LTB: variants seen among roughly 807,000 people sequenced by gnomAD.
LTB encodes the protein lymphotoxin-beta.
Under a neutral mutation model 14.7 loss-of-function variants are expected in LTB, and 17 were observed. That is an observed-to-expected ratio of 1.16 (90% CI 0.79 to 1.73). The LOEUF (loss-of-function observed/expected upper bound fraction) is 1.73, where lower values mean the gene tolerates loss of function less well. Ranked by LOEUF, LTB falls within the 40% of genes most tolerant of loss-of-function variation. The pLI is 0.00. For missense variants in LTB, 288 were observed against 324.3 expected, an observed-to-expected ratio of 0.89 and a Z score of 0.86; for synonymous variants, 163 against 157.3, an observed-to-expected ratio of 1.04 and a Z score of -0.27.
Position 31,580,838 on chromosome 6 carries a change from G to A in LTB, c.606C>T (p.Tyr202=). 6.2e-7 allele frequency: 1 copy of A among 1,611,896 alleles called. No individual in the cohort carries two copies. Among genetic ancestry groups the A allele is most frequent in the East Asian group, 2.2e-5 (1 of 44,856 alleles). The part of the protein sequence containing the change: ...ARRQGYGPLW[Y]TSVGFGGLVQ... ...CCAGGCCGCCGAACCCCACGCTCGT[G>A]TACCAGAGAGGCCCGTACCCTTGTC... Residue 202 remains tyrosine (Y), a synonymous_variant, in exon 4 of 4, where the codon TAC becomes TAT. Coordinates refer to ENST00000429299, the MANE Select transcript of LTB (RefSeq NM_002341.2). The surrounding 1 kb of genome is among the most constrained non-coding windows in gnomAD (Gnocchi z 6.6).
rs146263569 is a variant in LTB at position 31,581,810 on chromosome 6, T to C, written c.208+4A>G. The stretch of plus-strand genomic sequence containing the variant: ...GCGGGGAAGGAGAGACAGTCTGCTC[T>C]TACCCAGTCCTTGCTGGGCCTGTGC... On this transcript the variant is annotated splice_donor_region_variant and intron_variant, in intron 2 of 3. Coordinates refer to ENST00000429299, the MANE Select transcript of LTB (RefSeq NM_002341.2). 2 of 1,611,270 alleles carry C rather than the reference T, an allele frequency of 1.2e-6. No homozygotes were observed. The highest frequency in any genetic ancestry group is 8.5e-7 in the Non-Finnish European group (1 of 1,179,238).
rs1302776712 is a variant in LTB at position 31,580,959 on chromosome 6, G to T, written c.485C>A (p.Ser162Tyr). 1 of 1,568,914 alleles carries T rather than the reference G, an allele frequency of 6.4e-7. No individual in the cohort carries two copies. The highest frequency in any genetic ancestry group is 2.4e-5 in the East Asian group (1 of 42,062). ...GTAGGCGCCCCCCGCCCGGTACAGA[G>T]AGCTGCGCAGCGTGACCGAGCGGCC... The part of the protein sequence containing the change: ...PQGRSVTLRS[S>Y]LYRAGGAYGP... Residue 162 changes from serine to tyrosine, a missense_variant, in exon 4 of 4, where the codon TCT becomes TAT. By Grantham distance (144) the Ser-to-Tyr change is moderately radical. Transcript: ENST00000429299. This position sits in a 1 kb window ranked among gnomAD's most constrained non-coding sequence, Gnocchi z 6.6.
At chr6:31,581,752 C>G in intron 2 of LTB, 62 bp downstream of exon 2, 1 of 1,607,304 alleles carries the variant, frequency 6.2e-7, no homozygotes, top group Non-Finnish European at 8.5e-7. Flanking sequence ...TCTGGGGACG[C>G]AGCAGGGAGC....
chr6:31,581,544 C>G lies in LTB; in HGVS notation c.280+15G>C. The G allele has an allele frequency of 6.2e-7, 1 of 1,611,526 alleles. No homozygotes were observed. Among genetic ancestry groups the G allele is most frequent in the Non-Finnish European group, 8.5e-7 (1 of 1,178,628 alleles). ...GGATTATTTACACTCTTATTCAGGT[C>G]TTGGAGGTCCTTACCTATGAGGTGG... On this transcript the variant is annotated intron_variant, in intron 3 of 3. Coordinates refer to ENST00000429299, the MANE Select transcript of LTB (RefSeq NM_002341.2).
chr6:31,581,255 C>T (rs1771490070), intron 3 of LTB, 92 bp from the exon 4 acceptor site: 4 of 1,215,242 alleles, frequency 3.3e-6, no homozygotes, highest in African/African-American at 1.5e-5. Context: ...CCTGCGGGAG[C>T]CGAGCCGGGC....
intron 1 of LTB, 80 bp from the exon 2 acceptor site, chr6:31,581,939 G>A (rs928828646): frequency 1.1e-5 from 15 of 1,401,090 alleles, no homozygotes; most frequent in African/African-American, 1.4e-5. Flanking sequence ...GACCCAAGCT[G>A]CAGGCCTGGG....
intron 1 of LTB, 146 bp downstream of exon 1, chr6:31,582,110 A>G (rs1252271470): frequency 3.1e-6 from 3 of 969,836 alleles, no homozygotes; most frequent in African/African-American, 1.6e-5. Flanking sequence ...GAACATGGAA[A>G]GAGAGTCAGC....
At chr6:31,581,704 G>T in intron 2 of LTB, 74 bp from the exon 3 acceptor site, 2 of 1,591,914 alleles carry the variant, frequency 1.3e-6, no homozygotes, top group Non-Finnish European at 1.7e-6. Flanking sequence ...AGAACAGGGC[G>T]CAGGGATGGG....
intron 1 of LTB, 187 bp from the exon 2 acceptor site, chr6:31,582,046 A>T (rs1771578891): frequency 1.3e-6 from 1 of 761,422 alleles, no homozygotes; most frequent in African/African-American, 1.8e-5. Flanking sequence ...GTACCTCGGG[A>T]AGAGGAGAGG....
At chr6:31,581,715 G>C (rs373195613) in intron 2 of LTB, 85 bp from the exon 3 acceptor site, 7 of 1,597,228 alleles carry the variant, frequency 4.4e-6, no homozygotes, top group East Asian at 4.5e-5. Context: ...CAGGGATGGG[G>C]AGCCTGGATT....
rs1197160434 is a variant in LTB, at chr6:31,582,394, G to A, written c.24C>T (p.Gly8=). 5.6e-6 allele frequency: 9 copies of A among 1,612,452 alleles called. No homozygotes were observed. The highest frequency in any genetic ancestry group is 3.4e-4 in the Middle Eastern group (2 of 5,914). The change falls in exon 1 of 4, where the codon GGC becomes GGT. Residue 8 remains glycine, a synonymous_variant. Coordinates refer to ENST00000429299, the MANE Select transcript of LTB (RefSeq NM_002341.2). MGALGLE[G]RGGRLQGRGS... ...CCCTCCCCTGGAGCCTCCCACCCCT[G>A]CCCTCCAGCCCCAGTGCCCCCATTG...
At chr6:31,581,971 C>G (rs549758820) in intron 1 of LTB, 112 bp from the exon 2 acceptor site, 1 of 1,068,926 alleles carries the variant, frequency 9.4e-7, no homozygotes, top group Non-Finnish European at 1.4e-6. Flanking sequence ...CAGCACCATC[C>G]CCAACACACA....
intron 2 of LTB, 41 bp from the exon 3 acceptor site, chr6:31,581,671 C>T (rs1216582280): frequency 8.1e-6 from 13 of 1,605,922 alleles, no homozygotes; most frequent in Non-Finnish European, 1.1e-5. Context: ...GCAGGGCAGC[C>T]ACCCATGCAG....
chr6:31,581,221 C>G (rs1382706202), intron 3 of LTB, 58 bp from the exon 4 acceptor site: 3 of 1,462,358 alleles, frequency 2.1e-6, no homozygotes, highest in Non-Finnish European at 1.8e-6. Flanking sequence ...CTTGGGACTT[C>G]TGGGGAAGTG....
In LTB at chr6:31,581,058, T is replaced by G; in HGVS notation, c.386A>C (p.Gln129Pro). The G allele has an allele frequency of 6.2e-7, 1 of 1,610,162 alleles. No homozygotes were observed. Among genetic ancestry groups the G allele is most frequent in the Non-Finnish European group, 8.5e-7 (1 of 1,178,844 alleles). The change falls in exon 4 of 4, where the codon CAG becomes CCG. Residue 129 changes from glutamine (Q) to proline (P), a missense_variant. Transcript: ENST00000429299. ...FSDAEGLALPQDGLYYLYCLV... is the reference protein window; with the variant it reads ...FSDAEGLALPPDGLYYLYCLV... ...ACAGTAGAGGTAATAGAGGCCGTCC[T>G]GCGGGAGCGCCAGCCCCTCGGCGTC...
chr6:31,582,297 G>C lies in LTB; in HGVS notation c.121C>G (p.Leu41Val), dbSNP rs977056060. 1 of 1,612,924 alleles carries C rather than the reference G, an allele frequency of 6.2e-7. No individual in the cohort carries two copies. The highest frequency in any genetic ancestry group is 1.7e-5 in the Admixed American group (1 of 60,000). ...TLLLAVPITV[L>V]AVLALVPQDQ... The stretch of plus-strand genomic sequence containing the variant: ...TGGGGCACTAAGGCCAGCACAGCCA[G>C]GACAGTGATAGGCACCGCCAGCAAC... Residue 41 changes from leucine to valine, a missense_variant, in exon 1 of 4, where the codon CTG (leucine) becomes GTG (valine). Around this residue, in one of 2 missense-constraint regions of LTB, gnomAD observed 284 missense variants for 299.2 expected, o/e 0.95. Transcript: ENST00000429299.
intron 3 of LTB, 114 bp from the exon 4 acceptor site, chr6:31,581,277 G>A (rs113048856): frequency 1.6e-5 from 16 of 972,058 alleles, no homozygotes; most frequent in Non-Finnish European, 2.4e-5. Flanking sequence ...GGGGGAGGAG[G>A]GATGGTGCTG....
Position 31,581,071 on chromosome 6 carries a change from G to A in LTB, c.373C>T (p.Leu125=). Residue 125 remains leucine (L), a synonymous_variant, in exon 4 of 4, where the codon CTG becomes TTG. Coordinates refer to ENST00000429299, the MANE Select transcript of LTB (RefSeq NM_002341.2). Reference sequence around the variant, plus strand: ...TAGAGGCCGTCCTGCGGGAGCGCCAGCCCCTCGGCGTCCGAGAACTGCGTC... The same window carrying A: ...TAGAGGCCGTCCTGCGGGAGCGCCAACCCCTCGGCGTCCGAGAACTGCGTC... ...SGTQFSDAEG[L]ALPQDGLYYL... is the part of the protein sequence containing the mutation. 6.2e-7 allele frequency: 1 copy of A among 1,610,880 alleles called. No homozygotes were observed. Among genetic ancestry groups the A allele is most frequent in the Non-Finnish European group, 8.5e-7 (1 of 1,179,084 alleles).
chr6:31,582,320 A>G lies in LTB; in HGVS notation c.98T>C (p.Leu33Ser). The G allele has an allele frequency of 6.2e-7, 1 of 1,613,050 alleles. No individual in the cohort carries two copies. Among genetic ancestry groups the G allele is most frequent in the Non-Finnish European group, 8.5e-7 (1 of 1,180,002 alleles). Residue 33 changes from leucine (L) to serine (S), a missense_variant, in exon 1 of 4, where the codon TTG (leucine) becomes TCG (serine). This residue lies in a region of LTB where 284 missense variants were observed against 299.2 expected (regional missense o/e 0.95). Coordinates refer to ENST00000429299, the MANE Select transcript of LTB (RefSeq NM_002341.2). ...VAGATSLVTLLLAVPITVLAV... is the reference protein window; with the variant it reads ...VAGATSLVTLSLAVPITVLAV... Reference sequence around the variant, plus strand: ...CAGGACAGTGATAGGCACCGCCAGCAACAAGGTCACCAGAGAAGTGGCTCC... The same window carrying G: ...CAGGACAGTGATAGGCACCGCCAGCGACAAGGTCACCAGAGAAGTGGCTCC...
Sources: allele counts gnomAD v4.1 joint callset, GRCh38; gene constraint gnomAD v4.1.1; regional missense constraint gnomAD v4.1.1; non-coding constraint Gnocchi (gnomAD v3.1); transcripts MANE v1.5; gene names NCBI Gene and HGNC (gene_info 2026-07-23, HGNC 2026-07-21).